PLCB1: variants seen among roughly 807,000 people sequenced by gnomAD.
PLCB1 encodes phospholipase C beta 1.
Under a neutral mutation model 161.8 loss-of-function variants are expected in PLCB1, and 46 were observed. The ratio of observed to expected loss-of-function variants is 0.28; its 90% CI spans 0.22 to 0.36. The LOEUF is 0.36. Ranked by LOEUF, PLCB1 falls within the 10% of genes least tolerant of loss-of-function variation. PLCB1 has a pLI of 1.00. For missense variants in PLCB1, 1,016 were observed against 1,472.5 expected (o/e 0.69, Z 5.07); for synonymous variants, 517 against 503.7 (o/e 1.03, Z -0.35).
intron 31 of PLCB1, among the ~76,000 whole-genome samples, chr20:8,876,925 T>A (rs746470446): frequency 3.3e-5 from 5 of 152,054 alleles, no homozygotes; most frequent in Non-Finnish European, 7.4e-5. Flanking sequence ...TGACACATTC[T>A]CCTAGACAGA....
chr20:8,183,726 A>G (rs979819434), intron 2 of PLCB1, among the ~76,000 whole-genome samples: 12 of 152,236 alleles, frequency 7.9e-5, no homozygotes, highest in African/African-American at 2.7e-4. Context: ...CTCCAGGGAT[A>G]TCAGGGTGTG....
intron 9 of PLCB1, among the ~76,000 whole-genome samples, chr20:8,672,681 C>G (rs966329442): frequency 6.6e-6 from 1 of 152,078 alleles, no homozygotes; most frequent in Non-Finnish European, 1.5e-5. Context: ...TGACTATGCC[C>G]TATGTACTTT....
chr20:8,282,754 T>C (rs1600285452), intron 2 of PLCB1, among the ~76,000 whole-genome samples: 1 of 152,168 alleles, frequency 6.6e-6, no homozygotes, highest in Admixed American at 6.5e-5. Flanking sequence ...TAAGCCAAAG[T>C]TGGATCTTGT....
At chr20:8,601,289 G>T (rs1420786540) in intron 3 of PLCB1, among the ~76,000 whole-genome samples, 1 of 152,154 alleles carries the variant, frequency 6.6e-6, no homozygotes, top group African/African-American at 2.4e-5. Flanking sequence ...TGTGTCATGG[G>T]GGTTTGTTAA....
chr20:8,147,195 C>G (rs2051462053), intron 1 of PLCB1, among the ~76,000 whole-genome samples: 1 of 152,118 alleles, frequency 6.6e-6, no homozygotes, highest in Non-Finnish European at 1.5e-5. Context: ...CAGACTCCGT[C>G]CCAGAGCTAC....
At chr20:8,744,693 GTGTA>G (rs1298019419) in intron 23 of PLCB1, among the ~76,000 whole-genome samples, 1 of 142,406 alleles carries the variant, frequency 7.0e-6, no homozygotes, top group African/African-American at 2.6e-5. Context: ...TCCTGATTCA[GTGTA>G]TGGCCCCGAT....
intron 31 of PLCB1, chr20:8,831,108 T>C (rs2146277320): frequency 6.6e-6 from 1 of 152,350 alleles, no homozygotes; most frequent in Admixed American, 6.5e-5. Context: ...TTATTACTAA[T>C]TAGATTATTT....
At chr20:8,495,989 A>G (rs2122792601) in intron 3 of PLCB1, among the ~76,000 whole-genome samples, 1 of 152,274 alleles carries the variant, frequency 6.6e-6, no homozygotes, top group Middle Eastern at 3.4e-3. Flanking sequence ...GTTTTCCTCC[A>G]TGTTTTCTGG....
chr20:8,662,901 T>G (rs1989721080), intron 9 of PLCB1, among the ~76,000 whole-genome samples: 1 of 151,980 alleles, frequency 6.6e-6, no homozygotes, highest in Non-Finnish European at 1.5e-5. Flanking sequence ...ACTTTAAAAC[T>G]TTAAACTTTT....
intron 3 of PLCB1, among the ~76,000 whole-genome samples, chr20:8,466,847 C>A (rs1345432433): frequency 6.6e-6 from 1 of 152,104 alleles, no homozygotes. Context: ...AAAATGTTGA[C>A]CCAGATCAGA....
intron 31 of PLCB1, among the ~76,000 whole-genome samples, chr20:8,815,065 G>C (rs371153110): frequency 7.7e-4 from 118 of 152,332 alleles, no homozygotes; most frequent in African/African-American, 2.8e-3. Flanking sequence ...TTCGGATCAT[G>C]TGCTTCCCTT....
chr20:8,516,449 A>G (rs945123542), intron 3 of PLCB1, among the ~76,000 whole-genome samples: 1 of 152,080 alleles, frequency 6.6e-6, no homozygotes, highest in Non-Finnish European at 1.5e-5. Context: ...GTCATCTCCT[A>G]TGGAAGTGAA....
intron 3 of PLCB1, among the ~76,000 whole-genome samples, chr20:8,483,218 T>C (rs1555810708): frequency 6.6e-6 from 1 of 152,120 alleles, no homozygotes; most frequent in Non-Finnish European, 1.5e-5. Context: ...AAAACCTGAG[T>C]CTTCTGTTTT....
intron 10 of PLCB1, among the ~76,000 whole-genome samples, chr20:8,688,841 T>A (rs1990412714): frequency 6.6e-6 from 1 of 152,162 alleles, no homozygotes; most frequent in South Asian, 2.1e-4. Flanking sequence ...ATTTTTTGGT[T>A]CCGTATGAAT....
chr20:8,577,636 C>T (rs949714046), intron 3 of PLCB1, among the ~76,000 whole-genome samples: 2 of 152,058 alleles, frequency 1.3e-5, no homozygotes, highest in African/African-American at 4.8e-5. Context: ...TGAGAACTTA[C>T]ATTTAAAACA....
At chr20:8,857,989 T>C (rs1380475675) in intron 31 of PLCB1, among the ~76,000 whole-genome samples, 3 of 152,216 alleles carry the variant, frequency 2.0e-5, no homozygotes, top group Non-Finnish European at 4.4e-5. Flanking sequence ...TTTTGTCAGA[T>C]GTGTTTGTTG....
At chr20:8,333,160 C>G (rs1271703710) in intron 2 of PLCB1, among the ~76,000 whole-genome samples, 1 of 152,162 alleles carries the variant, frequency 6.6e-6, no homozygotes, top group East Asian at 1.9e-4. Context: ...GGAGGGAATT[C>G]CAGTCATGTG....
At chr20:8,205,899 G>C (rs901140633) in intron 2 of PLCB1, among the ~76,000 whole-genome samples, 1 of 151,918 alleles carries the variant, frequency 6.6e-6, no homozygotes, top group Non-Finnish European at 1.5e-5. Flanking sequence ...GTTTACTTTT[G>C]TGTATATTCA....
chr20:8,431,052 A>G (rs1306959497), intron 3 of PLCB1, among the ~76,000 whole-genome samples: 1 of 151,978 alleles, frequency 6.6e-6, no homozygotes, highest in Non-Finnish European at 1.5e-5. Context: ...TTTTATTATT[A>G]TATATGCATT....
Sources: allele counts gnomAD v4.1 joint callset (sites outside exome capture counted in the v4.1 genomes callset), GRCh38; gene constraint gnomAD v4.1.1; transcripts MANE v1.5; gene names NCBI Gene and HGNC (gene_info 2026-07-23, HGNC 2026-07-21).